The following PSMA5 variants were observed in gnomAD, a reference collection of about 807,000 sequenced individuals.
The protein encoded by PSMA5 is proteasome subunit alpha type-5.
In PSMA5, 3 loss-of-function variants were observed where a neutral mutation model predicts 34.5. The ratio of observed to expected loss-of-function variants is 0.09; its 90% CI spans 0.04 to 0.22. The LOEUF is 0.22. PSMA5 is among the 10% of genes least tolerant of loss of function. PSMA5 has a pLI of 1.00. For synonymous variants in PSMA5, 88 were observed against 95.8 expected (o/e 0.92, Z 0.47); for missense variants, 120 against 286.1 (o/e 0.42, Z 4.19).
chr1:109,426,231 C>T, intron 1 of PSMA5, 71 bp downstream of exon 1: 1 of 1,592,186 alleles, frequency 6.3e-7, no homozygotes, highest in Middle Eastern at 1.7e-4. Flanking sequence ...ACGGCAGAAC[C>T]CAGGCCGCGC....
Position 109,400,306 on chromosome 1 carries a change from G to T in PSMA5, c.*1707C>A, listed in dbSNP as rs1204510415. On this transcript the variant is annotated 3_prime_UTR_variant, in exon 9 of 9. Transcript: ENST00000271308. ...CTTTATCCATTTCTGCATTAACCTA[G>T]AGTTAAAAAGGAATATTGTTTATTG... 2 of 152,154 alleles carry T rather than the reference G, an allele frequency of 1.3e-5. No homozygotes were observed. The highest frequency in any genetic ancestry group is 4.8e-5 in the African/African-American group (2 of 41,420). The allele number at this position is 152,154 out of a possible 1,614,324, so 9.4% of individuals were successfully genotyped here.
intron 8 of PSMA5, among the ~76,000 whole-genome samples, chr1:109,402,796 C>G (rs1220501116): frequency 2.0e-5 from 3 of 152,172 alleles, no homozygotes; most frequent in African/African-American, 7.2e-5. Context: ...ACCTCCGCCT[C>G]CCGGGTTCAA....
At position 109,426,419 on chromosome 1, in the gene PSMA5, C is replaced by A. The variant is rs563308131; in HGVS notation, c.-89G>T. 2.3e-3 allele frequency: 3,575 copies of A among 1,524,814 alleles called. 7 individuals carry two copies. Among genetic ancestry groups the A allele is most frequent in the Non-Finnish European group, 2.6e-3 (2,806 of 1,099,100 alleles). 94.5% of individuals were successfully genotyped at this position (1,524,814 alleles called of 1,614,324 possible). A position where few individuals can be genotyped will look rare whatever the true frequency, so the allele number is the denominator to read the frequency against. ...ACCCAACTCACCGGCAGCCAACTCA[C>A]CCACACGGCCGCAGTACTAAGGACC... On this transcript the variant is annotated 5_prime_UTR_variant, in exon 1 of 9. Transcript: ENST00000271308.
chr1:109,418,358 C>A (rs965684247), intron 2 of PSMA5, among the ~76,000 whole-genome samples: 2 of 152,128 alleles, frequency 1.3e-5, no homozygotes, highest in Admixed American at 6.5e-5. Context: ...ACTCTGTTGC[C>A]CACGATGGAG....
At chr1:109,405,487 G>C (rs895697334) in intron 8 of PSMA5, among the ~76,000 whole-genome samples, 1 of 141,474 alleles carries the variant, frequency 7.1e-6, no homozygotes, top group Non-Finnish European at 1.5e-5. Flanking sequence ...TCTCGCTCTG[G>C]AGTGCAGTGG....
chr1:109,419,573 G>A (rs1248227293), intron 2 of PSMA5, among the ~76,000 whole-genome samples: 1 of 152,086 alleles, frequency 6.6e-6, no homozygotes, highest in African/African-American at 2.4e-5. Flanking sequence ...GGGAGGCAGA[G>A]GCAGGTGGAT....
Position 109,401,884 on chromosome 1 carries a change from T to C in PSMA5, c.*129A>G. ...ATTTTCTTTATTTCAGAACTGCCTT[T>C]ATGTACAGACATCATTTAAAAAATG... On this transcript the variant is annotated 3_prime_UTR_variant, in exon 9 of 9. Coordinates refer to ENST00000271308, the MANE Select transcript of PSMA5 (RefSeq NM_002790.4). 3.1e-6 allele frequency: 2 copies of C among 651,206 alleles called. No homozygotes were observed. The highest frequency in any genetic ancestry group is 5.2e-6 in the Non-Finnish European group (2 of 384,388). 40.3% of individuals were successfully genotyped at this position (651,206 alleles called of 1,614,324 possible). A position where few individuals can be genotyped will look rare whatever the true frequency, so the allele number is the denominator to read the frequency against.
chr1:109,409,978 T>C lies in PSMA5; in HGVS notation c.598A>G (p.Ile200Val), dbSNP rs771210176. 11 of 1,609,648 alleles carry C rather than the reference T, an allele frequency of 6.8e-6. No homozygotes were observed. The highest frequency in any genetic ancestry group is 4.5e-5 in the East Asian group (2 of 44,830). ...TLKEAIKSSLIILKQVMEEKL... is the reference protein window; with the variant it reads ...TLKEAIKSSLVILKQVMEEKL... ...TCCTCCATTACTTGTTTGAGGATGA[T>C]GAGTGAAGACTTGATGGCTTCTTTC... The change falls in exon 8 of 9, where the codon ATC (isoleucine) becomes GTC (valine). Residue 200 changes from isoleucine to valine, a missense_variant. Physicochemically the swap from Ile to Val is conservative, Grantham distance 29. Transcript: ENST00000271308.
chr1:109,417,335 G>A (rs190981124), intron 2 of PSMA5, among the ~76,000 whole-genome samples: 72 of 152,246 alleles, frequency 4.7e-4, no homozygotes, highest in African/African-American at 1.7e-3. Context: ...TAAACCAGCC[G>A]TAAAGAAAGT....
chr1:109,420,204 A>ATG (rs1557844987), intron 2 of PSMA5, among the ~76,000 whole-genome samples: 1 of 152,200 alleles, frequency 6.6e-6, no homozygotes, highest in Non-Finnish European at 1.5e-5. Flanking sequence ...AGTTATACTA[A>ATG]TGTAACTATT....
In PSMA5 at chr1:109,417,479, C is replaced by G. The variant is rs75099852; in HGVS notation, c.97-2116G>C. Among the ~76,000 whole-genome samples the G allele has an allele frequency of 5.0e-3, 764 of 152,314 alleles. 10 individuals carry two copies. The highest frequency in any genetic ancestry group is 0.018 in the African/African-American group (733 of 41,558). The stretch of plus-strand genomic sequence containing the variant: ...ATGTTTAAGAAACAGATTCCCGGAT[C>G]CCCTCCCCTATGCTGTAAAGCTAGA... On this transcript the variant is annotated intron_variant, in intron 2 of 8. Transcript: ENST00000271308.
intron 2 of PSMA5, among the ~76,000 whole-genome samples, chr1:109,421,474 A>C (rs924524909): frequency 1.4e-5 from 2 of 142,216 alleles, no homozygotes; most frequent in Non-Finnish European, 2.9e-5. Context: ...AAAAAAAAAA[A>C]AAAGAAAGAA....
At position 109,400,659 on chromosome 1, in the gene PSMA5, T is replaced by C. The variant is rs1653478811; in HGVS notation, c.*1354A>G. On this transcript the variant is annotated 3_prime_UTR_variant, in exon 9 of 9. Transcript: ENST00000271308. ...TTATTCTAGGGCAAAATCCCTTTCT[T>C]CCAAATGTTTCCTATCATTGCAGTT... The C allele has an allele frequency of 2.0e-5, 3 of 152,396 alleles. No individual in the cohort carries two copies. The South Asian group carries it at 6.2e-4, about 32-fold the overall frequency. The allele number at this position is 152,396 out of a possible 1,614,324, so 9.4% of individuals were successfully genotyped here. A position where few individuals can be genotyped will look rare whatever the true frequency, so the allele number is the denominator to read the frequency against.
chr1:109,410,211 C>T (rs577602260), intron 7 of PSMA5, among the ~76,000 whole-genome samples, 197 bp from the exon 8 acceptor site: 1 of 152,018 alleles, frequency 6.6e-6, no homozygotes, highest in Non-Finnish European at 1.5e-5. Context: ...GGAAAAAAAA[C>T]CCCCAAACCT....
In PSMA5 at chr1:109,407,732, C is replaced by A. The variant is rs374148621; in HGVS notation, c.648+2196G>T. Among the ~76,000 whole-genome samples, 26 of 152,178 alleles carry A rather than the reference C, an allele frequency of 1.7e-4. No individual in the cohort carries two copies. In the East Asian group the frequency reaches 3.3e-3, roughly 19 times the overall value. ...TCTCAGCTCACTGCAACCTCTACTG[C>A]CCAGGTTCAAGCAATTCTCATGCCT... On this transcript the variant is annotated intron_variant, in intron 8 of 8. Transcript: ENST00000271308.
At chr1:109,412,016 A>G (rs1654009646) in intron 5 of PSMA5, 61 bp downstream of exon 5, 1 of 1,581,538 alleles carries the variant, frequency 6.3e-7, no homozygotes, top group Non-Finnish European at 8.7e-7. Flanking sequence ...TTATGTTCAC[A>G]GGACAAATGT....
intron 2 of PSMA5, among the ~76,000 whole-genome samples, chr1:109,419,809 A>AAG (rs1654365549): frequency 1.1e-5 from 1 of 94,232 alleles, no homozygotes; most frequent in African/African-American, 3.0e-5. Flanking sequence ...AAAAAAAAAA[A>AAG]AAAAAAAAAA....
intron 1 of PSMA5, among the ~76,000 whole-genome samples, chr1:109,422,241 G>C (rs191262140): frequency 6.6e-6 from 1 of 152,218 alleles, no homozygotes; most frequent in Non-Finnish European, 1.5e-5. Context: ...AGTTCCTTTG[G>C]TAAGTTCATG....
chr1:109,407,014 G>A (rs1050812128), intron 8 of PSMA5, among the ~76,000 whole-genome samples: 3 of 152,058 alleles, frequency 2.0e-5, no homozygotes, highest in Non-Finnish European at 4.4e-5. Context: ...AGACAGTCTC[G>A]CTCTGTCGCC....
Sources: allele counts gnomAD v4.1 joint callset (sites outside exome capture counted in the v4.1 genomes callset), GRCh38; gene constraint gnomAD v4.1.1; transcripts MANE v1.5; gene names NCBI Gene and HGNC (gene_info 2026-07-23, HGNC 2026-07-21).